The following ADAM12 variants were observed in gnomAD, a reference collection of about 807,000 sequenced individuals.
ADAM12 encodes ADAM metallopeptidase domain 12.
A neutral mutation model predicts 106.4 loss-of-function variants in ADAM12; 70 were observed. The observed-to-expected ratio is 0.66, with a 90% CI of 0.54 to 0.80. ADAM12 has a LOEUF of 0.80. Ranked by LOEUF, ADAM12 falls within the 30% of genes least tolerant of loss-of-function variation. The pLI is 0.00. For missense variants in ADAM12, 1,010 were observed against 1,171.9 expected (o/e 0.86, Z 2.02); for synonymous variants, 420 against 433.5 (o/e 0.97, Z 0.39).
intron 1 of ADAM12, among the ~76,000 whole-genome samples, 165 bp downstream of exon 1, chr10:126,387,893 G>C (rs759752589): frequency 0.012 from 1,626 of 131,942 alleles, 25 homozygotes; most frequent in Non-Finnish European, 0.019. Context: ...GGCACCTGGG[G>C]GGGGGGGGTC....
intron 3 of ADAM12, among the ~76,000 whole-genome samples, chr10:126,236,970 C>A (rs996954608): frequency 6.6e-6 from 1 of 152,140 alleles, no homozygotes; most frequent in African/African-American, 2.4e-5. Context: ...TGACCAGAAG[C>A]CTCCTGCTTT....
At chr10:126,334,307 G>A (rs990090381) in intron 1 of ADAM12, among the ~76,000 whole-genome samples, 13 of 151,942 alleles carry the variant, frequency 8.6e-5, no homozygotes, top group African/African-American at 3.1e-4. Context: ...TATATATTTG[G>A]GCATCAACAG....
chr10:126,094,207 C>T (rs752498269), intron 10 of ADAM12, 74 bp from the exon 11 acceptor site: 28 of 1,397,684 alleles, frequency 2.0e-5, no homozygotes, highest in South Asian at 2.8e-5. Context: ...TCCCTCCCCA[C>T]AGAAATATAC....
intron 3 of ADAM12, among the ~76,000 whole-genome samples, chr10:126,241,356 T>C (rs535353551): frequency 6.6e-6 from 1 of 152,370 alleles, no homozygotes; most frequent in African/African-American, 2.4e-5. Flanking sequence ...AACTGTACCC[T>C]TTAAAATGGT....
chr10:126,089,693 TA>T (rs1955425899), intron 11 of ADAM12, among the ~76,000 whole-genome samples: 1 of 152,160 alleles, frequency 6.6e-6, no homozygotes, highest in Non-Finnish European at 1.5e-5. Context: ...CCTCCATTTC[TA>T]CCCAGCATCA....
intron 3 of ADAM12, among the ~76,000 whole-genome samples, chr10:126,215,167 C>T (rs1184616399): frequency 6.6e-6 from 1 of 152,214 alleles, no homozygotes; most frequent in African/African-American, 2.4e-5. Context: ...TGGTTCTGGT[C>T]TACCTGGGTC....
intron 2 of ADAM12, among the ~76,000 whole-genome samples, chr10:126,308,469 C>T (rs1361357972): frequency 6.6e-6 from 1 of 152,166 alleles, no homozygotes; most frequent in African/African-American, 2.4e-5. Context: ...CTTTGTCAAG[C>T]AAACTTTCAA....
chr10:126,063,140 G>A (rs185067768), intron 14 of ADAM12, among the ~76,000 whole-genome samples: 1 of 152,202 alleles, frequency 6.6e-6, no homozygotes, highest in Non-Finnish European at 1.5e-5. Context: ...CAAGGATGAA[G>A]TACTAAGGGC....
At chr10:126,090,154 A>G (rs1201790948) in intron 11 of ADAM12, among the ~76,000 whole-genome samples, 1 of 151,984 alleles carries the variant, frequency 6.6e-6, no homozygotes, top group Non-Finnish European at 1.5e-5. Flanking sequence ...CAGTTCCAAG[A>G]GGGCAAGAAA....
chr10:126,095,297 G>GATTACAGCACTTT lies in ADAM12; in HGVS notation c.997-1165_997-1164insAAAGTGCTGTAAT, dbSNP rs1192066037. 9.1e-3 allele frequency among the ~76,000 whole-genome samples: 1,381 copies of GATTACAGCACTTT among 152,152 alleles called. 27 individuals are homozygous for GATTACAGCACTTT. The highest frequency in any genetic ancestry group is 0.032 in the African/African-American group (1,338 of 41,512). Reference sequence around the variant, plus strand: ...CGCCTGTAATCCCAGCACTTTGCGAGGCTGAGGCAGGGGGATCATGAGGTC... The same window carrying GATTACAGCACTTT: ...CGCCTGTAATCCCAGCACTTTGCGAGATTACAGCACTTTGCTGAGGCAGGGGGATCATGAGGTC... On this transcript the variant is annotated intron_variant, in intron 10 of 22. Transcript: ENST00000448723.
At chr10:126,315,686 G>T (rs575250058) in intron 2 of ADAM12, among the ~76,000 whole-genome samples, 1 of 145,258 alleles carries the variant, frequency 6.9e-6, no homozygotes, top group Admixed American at 6.8e-5. Context: ...AGTCTCTGGA[G>T]CTCCACCGAG....
At chr10:126,041,233 A>T in intron 18 of ADAM12, 1 of 655,080 alleles carries the variant, frequency 1.5e-6, no homozygotes, top group Non-Finnish European at 1.9e-6. Flanking sequence ...CAGACACACA[A>T]GTACTTGTTT....
intron 4 of ADAM12, among the ~76,000 whole-genome samples, chr10:126,136,579 C>G (rs770281815): frequency 2.6e-5 from 4 of 152,200 alleles, no homozygotes; most frequent in Admixed American, 6.5e-5. Flanking sequence ...CCTTCACACA[C>G]GACAACAGTC....
chr10:126,026,013 T>C (rs1953866272), intron 21 of ADAM12, among the ~76,000 whole-genome samples: 1 of 152,156 alleles, frequency 6.6e-6, no homozygotes, highest in Admixed American at 6.5e-5. Flanking sequence ...CAACATTCTT[T>C]AAAGATTTTC....
chr10:126,078,169 G>A (rs1196424042), intron 11 of ADAM12, among the ~76,000 whole-genome samples: 1 of 152,178 alleles, frequency 6.6e-6, no homozygotes, highest in Non-Finnish European at 1.5e-5. Flanking sequence ...TGCTCCCCAG[G>A]TGCTGACTCT....
chr10:126,307,315 T>A (rs1003546686), intron 2 of ADAM12, among the ~76,000 whole-genome samples: 1 of 152,204 alleles, frequency 6.6e-6, no homozygotes, highest in Non-Finnish European at 1.5e-5. Flanking sequence ...AATATTTATA[T>A]ATTGGTGGCT....
chr10:126,204,114 C>T (rs1957753465), intron 3 of ADAM12, among the ~76,000 whole-genome samples: 2 of 152,182 alleles, frequency 1.3e-5, no homozygotes, highest in South Asian at 4.1e-4. Flanking sequence ...ATCTCCAGCC[C>T]CTGGTTCCTC....
chr10:126,139,890 T>C (rs1297909511), intron 4 of ADAM12, among the ~76,000 whole-genome samples: 4 of 152,204 alleles, frequency 2.6e-5, no homozygotes, highest in African/African-American at 4.8e-5. Flanking sequence ...CAGTGTCCTC[T>C]CACTCTAGAT....
chr10:126,261,113 G>A (rs1275485075), intron 3 of ADAM12, among the ~76,000 whole-genome samples: 11 of 152,118 alleles, frequency 7.2e-5, no homozygotes, highest in Non-Finnish European at 1.5e-5. Context: ...TATACAGTAG[G>A]TTATATGCAA....
Sources: allele counts gnomAD v4.1 joint callset (sites outside exome capture counted in the v4.1 genomes callset), GRCh38; gene constraint gnomAD v4.1.1; transcripts MANE v1.5; gene names NCBI Gene and HGNC (gene_info 2026-07-23, HGNC 2026-07-21).